The following MAGI3 variants were observed in gnomAD, a reference collection of about 807,000 sequenced individuals.
MAGI3 encodes the protein membrane associated guanylate kinase, WW and PDZ domain containing 3.
A neutral mutation model predicts 121.8 loss-of-function variants in MAGI3; 43 were observed. That is an observed-to-expected ratio of 0.35 (90% CI 0.28 to 0.46). The LOEUF is 0.46. MAGI3 is among the 20% of genes least tolerant of loss of function. MAGI3 has a pLI of 1.00. For missense variants in MAGI3, 1,547 were observed against 1,797.3 expected, an observed-to-expected ratio of 0.86 and a Z score of 2.52; for synonymous variants, 553 against 639.3, an observed-to-expected ratio of 0.86 and a Z score of 2.04.
At chr1:113,574,686 G>GT (rs1647509078) in intron 2 of MAGI3, among the ~76,000 whole-genome samples, 1 of 152,152 alleles carries the variant, frequency 6.6e-6, no homozygotes, top group Non-Finnish European at 1.5e-5. Flanking sequence ...TTCCCAAGGA[G>GT]TATCTTAGTA....
chr1:113,514,467 C>G (rs1299601614), intron 1 of MAGI3, among the ~76,000 whole-genome samples: 1 of 152,014 alleles, frequency 6.6e-6, no homozygotes, highest in Non-Finnish European at 1.5e-5. Flanking sequence ...GAGTTCATGT[C>G]CTTTGTAGGG....
chr1:113,600,918 T>C (rs1649332399), intron 6 of MAGI3, among the ~76,000 whole-genome samples: 1 of 152,100 alleles, frequency 6.6e-6, no homozygotes, highest in Non-Finnish European at 1.5e-5. Flanking sequence ...TAGCGCCGCC[T>C]ATCTACAACT....
intron 1 of MAGI3, among the ~76,000 whole-genome samples, chr1:113,496,508 CAG>C (rs1656924940): frequency 6.6e-6 from 1 of 152,282 alleles, no homozygotes; most frequent in South Asian, 2.1e-4. Flanking sequence ...TAAGGATCTG[CAG>C]AGTGTCTTAG....
intron 1 of MAGI3, among the ~76,000 whole-genome samples, chr1:113,442,662 A>G (rs1181089682): frequency 6.6e-6 from 1 of 151,764 alleles, no homozygotes; most frequent in African/African-American, 2.4e-5. Context: ...GTGAGTTTAT[A>G]TATGTATTAT....
Position 113,589,055 on chromosome 1 carries a change from C to A in MAGI3, c.764-1429C>A, listed in dbSNP as rs568364360. Among the ~76,000 whole-genome samples, 5 of 152,120 alleles carry A rather than the reference C, an allele frequency of 3.3e-5. No homozygotes were observed. The South Asian group carries it at 1.0e-3, about 32-fold the overall frequency. ...ATATAATTTATAATTGGAGGGTTAG[C>A]CCTAGCTAGGAGTACAAACAGTTCT... On this transcript the variant is annotated intron_variant, in intron 4 of 20. Transcript: ENST00000307546.
chr1:113,639,129 C>CT (rs1384294485), intron 9 of MAGI3, among the ~76,000 whole-genome samples: 1 of 152,198 alleles, frequency 6.6e-6, no homozygotes, highest in Non-Finnish European at 1.5e-5. Flanking sequence ...TTCCAGGTGC[C>CT]GTCTGTCACC....
intron 1 of MAGI3, among the ~76,000 whole-genome samples, chr1:113,513,184 G>A (rs1456072486): frequency 6.6e-6 from 1 of 152,130 alleles, no homozygotes; most frequent in Non-Finnish European, 1.5e-5. Context: ...TCAATATCGT[G>A]AAAATGGCCA....
chr1:113,535,990 C>G (rs1410161602), intron 1 of MAGI3, among the ~76,000 whole-genome samples: 2 of 151,860 alleles, frequency 1.3e-5, no homozygotes, highest in Non-Finnish European at 2.9e-5. Context: ...AATGAGAAAC[C>G]TGGAGTCATT....
chr1:113,683,351 G>C lies in MAGI3; in HGVS notation c.3783G>C (p.Gly1261=), dbSNP rs764086801. ...PRDQSLSPSK[G]ENKSCQVSTR... The stretch of plus-strand genomic sequence containing the variant: ...ATCAATCCCTCAGCCCCAGCAAAGG[G>C]GAAAATAAAAGTTGTCAGGTCAGCA... The change falls in exon 21 of 21, where the codon GGG becomes GGC. Residue 1261 remains glycine (G), a synonymous_variant. Coordinates refer to ENST00000307546, the MANE Select transcript of MAGI3 (RefSeq NM_001142782.2). The C allele has an allele frequency of 1.6e-5, 26 of 1,613,924 alleles. No homozygotes were observed. The African/African-American group carries it at 3.1e-4, about 19-fold the overall frequency.
At chr1:113,592,079 T>C (rs1557840421) in intron 5 of MAGI3, among the ~76,000 whole-genome samples, 1 of 151,832 alleles carries the variant, frequency 6.6e-6, no homozygotes, top group East Asian at 1.9e-4. Context: ...TAGACAAAAA[T>C]GGACTACATC....
In MAGI3 at chr1:113,684,122, AT is replaced by A; in HGVS notation, c.*109del. ...CAGATATTCTGAAACAGATAAGTAC[AT>A]GTTAATGTGAGCCTCAAGTTACCTA... On this transcript the variant is annotated 3_prime_UTR_variant, in exon 21 of 21. Coordinates refer to ENST00000307546, the MANE Select transcript of MAGI3 (RefSeq NM_001142782.2). 2 of 1,243,382 alleles carry A rather than the reference AT, an allele frequency of 1.6e-6. No individual in the cohort carries two copies. The highest frequency in any genetic ancestry group is 2.2e-6 in the Non-Finnish European group (2 of 929,010). The allele number at this position is 1,243,382 out of a possible 1,614,324, so 77.0% of individuals were successfully genotyped here.
chr1:113,505,840 A>T (rs1570769971), intron 1 of MAGI3, among the ~76,000 whole-genome samples: 1 of 152,198 alleles, frequency 6.6e-6, no homozygotes, highest in Non-Finnish European at 1.5e-5. Flanking sequence ...TGACTAAAGC[A>T]TAGGGACATA....
At chr1:113,441,812 G>A (rs1653929419) in intron 1 of MAGI3, among the ~76,000 whole-genome samples, 2 of 152,164 alleles carry the variant, frequency 1.3e-5, no homozygotes, top group African/African-American at 2.4e-5. Flanking sequence ...GTTGCAGAAT[G>A]AAGTATGTTC....
intron 16 of MAGI3, among the ~76,000 whole-genome samples, chr1:113,670,402 T>C (rs1647468542): frequency 6.6e-6 from 1 of 152,226 alleles, no homozygotes; most frequent in Admixed American, 6.5e-5. Context: ...ATGCATGTAT[T>C]GTAGTAAAGC....
chr1:113,611,396 A>G (rs556089559), intron 6 of MAGI3, among the ~76,000 whole-genome samples: 2 of 152,102 alleles, frequency 1.3e-5, no homozygotes, highest in East Asian at 3.9e-4. Flanking sequence ...CCATTTTCAT[A>G]ATTATTCAAT....
At chr1:113,615,932 T>C (rs1314498497) in intron 7 of MAGI3, among the ~76,000 whole-genome samples, 2 of 152,148 alleles carry the variant, frequency 1.3e-5, no homozygotes, top group South Asian at 2.1e-4. Context: ...TTTTGCAGGA[T>C]TTTTTTCTTC....
At chr1:113,451,194 C>T (rs996526562) in intron 1 of MAGI3, among the ~76,000 whole-genome samples, 6 of 152,056 alleles carry the variant, frequency 3.9e-5, no homozygotes, top group Non-Finnish European at 7.4e-5. Flanking sequence ...ATCCTTACTC[C>T]GTTTGTTATC....
rs760410662 is a variant in MAGI3 at position 113,683,608 on chromosome 1, A to G, written c.4040A>G (p.Glu1347Gly). ...IRKDAKQNQL[E>G]KSRTRSPEKK... ...AAAGATGCAAAGCAGAATCAGTTGGAAAAAAGCAGAACAAGGTCTCCAGAG... is the reference window on the plus strand; with the variant it reads ...AAAGATGCAAAGCAGAATCAGTTGGGAAAAAGCAGAACAAGGTCTCCAGAG... Residue 1347 changes from glutamate (E) to glycine (G), a missense_variant, in exon 21 of 21, where the codon GAA (glutamate) becomes GGA (glycine). By Grantham distance (98) the Glu-to-Gly change is moderately conservative (BLOSUM62 -2). Transcript: ENST00000307546. 1.2e-5 allele frequency: 19 copies of G among 1,613,750 alleles called. No individual in the cohort carries two copies. The highest frequency in any genetic ancestry group is 2.7e-5 in the African/African-American group (2 of 74,928).
At chr1:113,619,219 A>G (rs1465454281) in intron 7 of MAGI3, among the ~76,000 whole-genome samples, 1 of 152,184 alleles carries the variant, frequency 6.6e-6, no homozygotes, top group Non-Finnish European at 1.5e-5. Flanking sequence ...ATTCTATACT[A>G]TAGTTGATAA....
Sources: gnomAD v4.1 joint callset for allele counts (sites outside exome capture counted in the v4.1 genomes callset) on GRCh38, gnomAD v4.1.1 for gene constraint, MANE v1.5 for transcripts, NCBI Gene and HGNC (gene_info 2026-07-23, HGNC 2026-07-21) for gene names.